Variants in KIF5C observed in about 807,000 individuals in gnomAD.
The protein encoded by KIF5C is kinesin family member 5C, also known as kinesin heavy chain isoform 5C.
In KIF5C, 18 loss-of-function variants were observed where a neutral mutation model predicts 125.2. That is an observed-to-expected ratio of 0.14 (90% confidence interval 0.10 to 0.21). KIF5C has a LOEUF of 0.21. Among genes scored for constraint, KIF5C ranks in the 10% least tolerant of loss-of-function variants. The probability of loss-of-function intolerance (pLI) is 1.00; values close to 1 mark genes in which losing one functional copy is unlikely to be tolerated. For synonymous variants in KIF5C, 405 were observed against 434.0 expected (o/e 0.93, Z 0.83); for missense variants, 780 against 1,183.8 (o/e 0.66, Z 5.01).
intron 1 of KIF5C, chr2:148,878,787 T>C (rs909060912): frequency 7.2e-5 from 11 of 152,232 alleles, no homozygotes; most frequent in African/African-American, 2.7e-4. Context: ...GGGCACAGAC[T>C]GTGGATGACC....
At chr2:148,941,210 G>A (rs936593668) in intron 4 of KIF5C, among the ~76,000 whole-genome samples, 1 of 152,122 alleles carries the variant, frequency 6.6e-6, no homozygotes, top group Non-Finnish European at 1.5e-5. Flanking sequence ...CTGGCTTCTT[G>A]CATGTGAACA....
At position 148,947,547 on chromosome 2, in the gene KIF5C, T is replaced by C; in HGVS notation, c.714+524T>C. The C allele has an allele frequency of 1.4e-5, 3 of 210,266 alleles. 1 individual carries two copies. In the South Asian group the frequency reaches 2.3e-4, roughly 16 times the overall value. The allele number at this position is 210,266 out of a possible 1,614,324, so 13.0% of individuals were successfully genotyped here. ...TGTCCCATGTGGAAGGCCTTGGCTC[T>C]CTCATGAAGTGTGGCCTGTAATCAG... On this transcript the variant is annotated intron_variant, in intron 8 of 25. Transcript: ENST00000435030.
At chr2:148,910,120 T>C (rs549969972) in intron 1 of KIF5C, among the ~76,000 whole-genome samples, 10 of 152,354 alleles carry the variant, frequency 6.6e-5, no homozygotes, top group African/African-American at 2.2e-4. Flanking sequence ...GCACTTTTAA[T>C]ACTTATCATA....
At chr2:148,999,001 G>A (rs1681768250) in intron 19 of KIF5C, among the ~76,000 whole-genome samples, 1 of 152,106 alleles carries the variant, frequency 6.6e-6, no homozygotes, top group Non-Finnish European at 1.5e-5. Context: ...GGTTCCATGT[G>A]CTCACTTCTT....
chr2:148,953,991 A>C (rs955015541), intron 10 of KIF5C, among the ~76,000 whole-genome samples: 5 of 152,094 alleles, frequency 3.3e-5, no homozygotes, highest in Non-Finnish European at 7.4e-5. Flanking sequence ...TCAACCCGTC[A>C]CCTACATTAG....
chr2:148,922,179 A>G lies in KIF5C; in HGVS notation c.169A>G (p.Thr57Ala), dbSNP rs769102533. ...YVFDRVLPPN[T>A]TQEQVYNACA... The stretch of plus-strand genomic sequence containing the variant: ...CTTCGACAGAGTGCTACCTCCCAAC[A>G]CGACCCAAGAGCAGGTTTACAATGC... Residue 57 changes from threonine (T) to alanine (A), a missense_variant, in exon 2 of 26, where the codon ACG (threonine) becomes GCG (alanine). This residue lies in a region of KIF5C where 207 missense variants were observed against 441.2 expected (regional missense o/e 0.47). Transcript: ENST00000435030. 1.2e-6 allele frequency: 2 copies of G among 1,613,622 alleles called. No homozygotes were observed. The highest frequency in any genetic ancestry group is 1.7e-6 in the Non-Finnish European group (2 of 1,179,788).
chr2:148,983,818 G>C, intron 15 of KIF5C, 52 bp downstream of exon 15: 1 of 1,511,394 alleles, frequency 6.6e-7, no homozygotes, highest in Non-Finnish European at 8.9e-7. Flanking sequence ...AAGTTAGTAG[G>C]GTCTGTGCTT....
intron 25 of KIF5C, 92 bp downstream of exon 25, chr2:149,011,775 G>C: frequency 6.5e-7 from 1 of 1,531,158 alleles, no homozygotes; most frequent in Non-Finnish European, 8.9e-7. Flanking sequence ...CTTGAGTAGA[G>C]AGGAGTTCTG....
intron 21 of KIF5C, 106 bp from the exon 22 acceptor site, chr2:149,005,287 G>A (rs1681973660): frequency 6.6e-7 from 1 of 1,524,712 alleles, no homozygotes; most frequent in Non-Finnish European, 8.9e-7. Context: ...TGCACCAGCG[G>A]CGTCCATGGC....
chr2:148,971,812 C>G (rs1680920219), intron 11 of KIF5C, among the ~76,000 whole-genome samples: 2 of 152,174 alleles, frequency 1.3e-5, no homozygotes, highest in Admixed American at 1.3e-4. Context: ...ACTAAACTAT[C>G]ACAGTGTTTT....
intron 25 of KIF5C, among the ~76,000 whole-genome samples, chr2:149,019,300 A>G (rs1229928846): frequency 6.6e-6 from 1 of 152,206 alleles, no homozygotes; most frequent in Non-Finnish European, 1.5e-5. Context: ...AAGAAGAGAG[A>G]AAAAAGTCTT....
At chr2:148,934,341 C>G (rs974044154) in intron 3 of KIF5C, among the ~76,000 whole-genome samples, 26 of 151,560 alleles carry the variant, frequency 1.7e-4, no homozygotes, top group African/African-American at 6.1e-4. Flanking sequence ...ACATCACACA[C>G]ATCCATATAG....
At chr2:149,011,774 A>G (rs1330388794) in intron 25 of KIF5C, 91 bp downstream of exon 25, 6 of 1,542,036 alleles carry the variant, frequency 3.9e-6, no homozygotes, top group Non-Finnish European at 5.3e-6. Flanking sequence ...CCTTGAGTAG[A>G]GAGGAGTTCT....
At chr2:148,883,424 C>G (rs578091793) in intron 1 of KIF5C, 1 of 152,148 alleles carries the variant, frequency 6.6e-6, no homozygotes, top group East Asian at 1.9e-4. Context: ...TGGTGTGAAC[C>G]TGGGAGGTGG....
chr2:149,025,544 G>C lies in KIF5C; in HGVS notation c.*2474G>C, dbSNP rs1390765043. The stretch of plus-strand genomic sequence containing the variant: ...CTTTAAATGTAAAAACCACACTTCT[G>C]AACAACTAAGCTCATGAATATGATT... On this transcript the variant is annotated 3_prime_UTR_variant, in exon 26 of 26. Transcript: ENST00000435030. 6.6e-6 allele frequency: 1 copy of C among 152,250 alleles called. No individual in the cohort carries two copies. Among genetic ancestry groups the C allele is most frequent in the Admixed American group, 6.5e-5 (1 of 15,282 alleles). The allele number at this position is 152,250 out of a possible 1,614,324, so 9.4% of individuals were successfully genotyped here.
intron 21 of KIF5C, among the ~76,000 whole-genome samples, chr2:149,004,415 A>C (rs1483701531): frequency 6.6e-6 from 1 of 152,244 alleles, no homozygotes; most frequent in African/African-American, 2.4e-5. Context: ...GGAACTGATC[A>C]TATTTCCTAT....
chr2:148,913,404 C>A (rs1402593611), intron 1 of KIF5C, among the ~76,000 whole-genome samples: 1 of 152,056 alleles, frequency 6.6e-6, no homozygotes, highest in African/African-American at 2.4e-5. Context: ...ACTGAGGGGC[C>A]TTAACTTATT....
At chr2:149,017,798 C>T (rs1682409732) in intron 25 of KIF5C, among the ~76,000 whole-genome samples, 1 of 152,050 alleles carries the variant, frequency 6.6e-6, no homozygotes, top group African/African-American at 2.4e-5. Flanking sequence ...GTATACATTC[C>T]CTACTTACAG....
rs1208780105 is a variant in KIF5C at position 149,000,704 on chromosome 2, T to C, written c.2313-18T>C. ...CTGAGTCCCCTGTGGTGGTCTATGGTTCCTTTTTGTTTTTCAGATTGCTCA... is the reference window on the plus strand; with the variant it reads ...CTGAGTCCCCTGTGGTGGTCTATGGCTCCTTTTTGTTTTTCAGATTGCTCA... On this transcript the variant is annotated intron_variant, in intron 20 of 25. Transcript: ENST00000435030. 6.2e-7 allele frequency: 1 copy of C among 1,613,622 alleles called. No homozygotes were observed. The highest frequency in any genetic ancestry group is 1.3e-5 in the African/African-American group (1 of 75,038).
Sources: allele counts gnomAD v4.1 joint callset (sites outside exome capture counted in the v4.1 genomes callset), GRCh38; gene constraint gnomAD v4.1.1; regional missense constraint gnomAD v4.1.1; transcripts MANE v1.5; gene names NCBI Gene and HGNC (gene_info 2026-07-23, HGNC 2026-07-21).